LRGUK: variants seen among roughly 807,000 people sequenced by gnomAD.
LRGUK encodes leucine-rich repeat and guanylate kinase domain-containing protein.
In LRGUK, 65 loss-of-function variants were observed where a neutral mutation model predicts 76.0. That is an observed-to-expected ratio of 0.85 (90% CI 0.70 to 1.05). The LOEUF (loss-of-function observed/expected upper bound fraction) is 1.05, where lower values mean the gene tolerates loss of function less well. Ranked by LOEUF, LRGUK falls within the 50% of genes least tolerant of loss-of-function variation. The pLI is 0.00. For synonymous variants in LRGUK, 268 were observed against 265.6 expected (o/e 1.01, Z -0.09); for missense variants, 758 against 732.8 (o/e 1.03, Z -0.40).
chr7:134,157,973 A>T lies in LRGUK; in HGVS notation c.671-62A>T, dbSNP rs374019548. On this transcript the variant is annotated intron_variant, in intron 5 of 15. Coordinates refer to ENST00000645682, the Ensembl canonical transcript of LRGUK. Reference sequence around the variant, plus strand: ...TTTGTCTAGTGATGATTTAACACTGATTCTTTTTTTCTTCCAAATGCTTTT... The same window carrying T: ...TTTGTCTAGTGATGATTTAACACTGTTTCTTTTTTTCTTCCAAATGCTTTT... 5.3e-6 allele frequency: 8 copies of T among 1,501,546 alleles called. No homozygotes were observed. In the African/African-American group the frequency reaches 8.2e-5, roughly 15 times the overall value. 93.0% of individuals were successfully genotyped at this position (1,501,546 alleles called of 1,614,324 possible).
intron 7 of LRGUK, among the ~76,000 whole-genome samples, chr7:134,167,817 C>T (rs773073902): frequency 1.3e-5 from 2 of 152,178 alleles, no homozygotes; most frequent in Non-Finnish European, 2.9e-5. Flanking sequence ...GGCAAACTCT[C>T]ATGAAAAAAG....
At chr7:134,239,829 C>T (rs1354163659) in intron 16 of LRGUK, among the ~76,000 whole-genome samples, 1 of 152,150 alleles carries the variant, frequency 6.6e-6, no homozygotes, top group African/African-American at 2.4e-5. Flanking sequence ...CTCATACAGC[C>T]GGATGCCCCT....
chr7:134,196,306 CT>C (rs74433969), intron 12 of LRGUK, among the ~76,000 whole-genome samples: 29 of 148,982 alleles, frequency 1.9e-4, no homozygotes, highest in South Asian at 8.6e-4. Flanking sequence ...CCCACCCCTC[CT>C]TTTTTTTTTC....
downstream of LRGUK, among the ~76,000 whole-genome samples, chr7:134,211,449 A>G (rs757698356): frequency 6.6e-6 from 1 of 152,234 alleles, no homozygotes; most frequent in Non-Finnish European, 1.5e-5. Context: ...AACTTTTGAG[A>G]CAGGAAGACT....
At chr7:134,196,391 C>CT (rs1800489502) in intron 12 of LRGUK, among the ~76,000 whole-genome samples, 1 of 151,758 alleles carries the variant, frequency 6.6e-6, no homozygotes, top group African/African-American at 2.4e-5. Context: ...GTTCAAATGG[C>CT]TATAGGGCAG....
chr7:134,181,507 T>C (rs957094121), intron 10 of LRGUK, among the ~76,000 whole-genome samples: 4 of 113,944 alleles, frequency 3.5e-5, no homozygotes, highest in Non-Finnish European at 7.2e-5. Flanking sequence ...GTGTGCCCTT[T>C]CAATGCGTAG....
chr7:134,137,877 A>G (rs528021965), intron 2 of LRGUK, among the ~76,000 whole-genome samples: 1 of 152,270 alleles, frequency 6.6e-6, no homozygotes, highest in South Asian at 2.1e-4. Context: ...GCACATTGAA[A>G]TTTTACCATG....
At chr7:134,134,403 C>A (rs1215192874) in intron 1 of LRGUK, among the ~76,000 whole-genome samples, 1 of 152,038 alleles carries the variant, frequency 6.6e-6, no homozygotes, top group East Asian at 1.9e-4. Flanking sequence ...GGATGGCCAC[C>A]CATAGGGATT....
chr7:134,172,911 AG>A (rs1313228654), intron 7 of LRGUK, among the ~76,000 whole-genome samples: 1 of 152,012 alleles, frequency 6.6e-6, no homozygotes, highest in East Asian at 1.9e-4. Context: ...TCCTTGAGCT[AG>A]GGAGGTTGAG....
intron 7 of LRGUK, among the ~76,000 whole-genome samples, chr7:134,167,663 G>A (rs1282850319): frequency 1.3e-5 from 2 of 152,124 alleles, no homozygotes; most frequent in Middle Eastern, 3.2e-3. Flanking sequence ...AGAAGGGGCG[G>A]GAATGTGAAG....
chr7:134,265,547 G>A (rs1001330555), downstream of LRGUK, among the ~76,000 whole-genome samples: 4 of 152,204 alleles, frequency 2.6e-5, no homozygotes, highest in African/African-American at 7.2e-5. Context: ...GACTAGGAAA[G>A]GGACAGTCTC....
At chr7:134,135,909 G>A (rs1797518813) in intron 1 of LRGUK, among the ~76,000 whole-genome samples, 2 of 152,134 alleles carry the variant, frequency 1.3e-5, no homozygotes, top group Admixed American at 1.3e-4. Flanking sequence ...GCCCACCTTG[G>A]CCTCCCAAAG....
Position 134,199,254 on chromosome 7 carries a change from C to G in LRGUK, c.1580C>G (p.Pro527Arg), listed in dbSNP as rs1223822560. 3 of 1,613,714 alleles carry G rather than the reference C, an allele frequency of 1.9e-6. No individual in the cohort carries two copies. In the Admixed American group the frequency reaches 5.0e-5, roughly 27 times the overall value. The change falls in exon 14 of 16, where the codon CCT (proline) becomes CGT (arginine). Residue 527 changes from proline (P) to arginine (R), a missense_variant. By Grantham distance (103) the Pro-to-Arg change is moderately radical. Transcript: ENST00000645682. ...AGTTTGAAATATTCCTATTTTGAGC[C>G]TCGTTATATCCTGGTGGTGCCCATG...
chr7:134,144,121 G>T (rs73159150), intron 4 of LRGUK, among the ~76,000 whole-genome samples: 1 of 152,128 alleles, frequency 6.6e-6, no homozygotes, highest in African/African-American at 2.4e-5. Flanking sequence ...GTGCAGTTGC[G>T]CATTCTTGTC....
chr7:134,227,184 G>A (rs1401000518), intron 16 of LRGUK, among the ~76,000 whole-genome samples: 1 of 152,156 alleles, frequency 6.6e-6, no homozygotes, highest in Non-Finnish European at 1.5e-5. Flanking sequence ...TGCTAATTGA[G>A]GTAGACATGG....
intron 1 of LRGUK, among the ~76,000 whole-genome samples, chr7:134,130,295 C>G (rs11978174): frequency 0.13 from 20,500 of 152,048 alleles, 1,720 homozygotes; most frequent in East Asian, 0.33. Flanking sequence ...CTTCCCCCCC[C>G]CCCCAGAGGA....
rs1273789566 is a variant in LRGUK, at chr7:134,156,609, T to C, written c.671-1426T>C. On this transcript the variant is annotated intron_variant, in intron 5 of 15. Transcript: ENST00000645682. ...ACCTGGCAGAAATAGGGAATTCTCA[T>C]TGGATGATGATGTGGATGAAACTGG... Among the ~76,000 whole-genome samples, 5 of 152,158 alleles carry C rather than the reference T, an allele frequency of 3.3e-5. No individual in the cohort carries two copies. In the East Asian group the frequency reaches 5.8e-4, roughly 18 times the overall value.
At chr7:134,155,719 CCA>C (rs1798425335) in intron 5 of LRGUK, among the ~76,000 whole-genome samples, 1 of 152,028 alleles carries the variant, frequency 6.6e-6, no homozygotes, top group Non-Finnish European at 1.5e-5. Flanking sequence ...TCATTCATAC[CCA>C]TTTTCTAATT....
chr7:134,199,409 G>T, exon 14 of LRGUK: 1 of 1,612,880 alleles, frequency 6.2e-7, no homozygotes, highest in Non-Finnish European at 8.5e-7. Context: ...TTTTGATGAG[G>T]TAATCAATGC....
Sources: gnomAD v4.1 joint callset for allele counts (sites outside exome capture counted in the v4.1 genomes callset) on GRCh38, gnomAD v4.1.1 for gene constraint, MANE v1.5 for transcripts, NCBI Gene and HGNC (gene_info 2026-07-23, HGNC 2026-07-21) for gene names.